Variants in ATXN10 observed in about 807,000 individuals in gnomAD.
ATXN10 encodes ataxin-10.
A neutral mutation model predicts 52.9 loss-of-function variants in ATXN10; 28 were observed. The ratio of observed to expected loss-of-function variants is 0.53; its 90% CI spans 0.39 to 0.73. The LOEUF (loss-of-function observed/expected upper bound fraction) is 0.73, where lower values mean the gene tolerates loss of function less well. ATXN10 is among the 30% of genes least tolerant of loss of function. ATXN10 has a pLI of 0.00. For missense variants in ATXN10, 565 were observed against 577.0 expected, an observed-to-expected ratio of 0.98 and a Z score of 0.21; for synonymous variants, 226 against 221.5, an observed-to-expected ratio of 1.02 and a Z score of -0.18.
At chr22:45,689,673 C>CT (rs775320993) in intron 1 of ATXN10, 39 bp from the exon 2 acceptor site, 25 of 1,576,658 alleles carry the variant, frequency 1.6e-5, no homozygotes, top group African/African-American at 5.4e-5. Context: ...AAATCATAAT[C>CT]TTTTTTTTCT....
Position 45,818,946 on chromosome 22 carries a change from T to A in ATXN10, c.1237+11924T>A, listed in dbSNP as rs1322035301. On this transcript the variant is annotated intron_variant, in intron 10 of 11. Coordinates refer to ENST00000252934, the MANE Select transcript of ATXN10 (RefSeq NM_013236.4). This position sits in a 1 kb window ranked among gnomAD's most constrained non-coding sequence, Gnocchi z 4.6. ...TTGGTGCACTGTGTCTCTGGCTTCTTTGCATGCCTAAAACTTGCGTAGTCT... is the reference window on the plus strand; with the variant it reads ...TTGGTGCACTGTGTCTCTGGCTTCTATGCATGCCTAAAACTTGCGTAGTCT... 6.6e-6 allele frequency among the ~76,000 whole-genome samples: 1 copy of A among 152,082 alleles called. No individual in the cohort carries two copies. Among genetic ancestry groups the A allele is most frequent in the Non-Finnish European group, 1.5e-5 (1 of 68,010 alleles).
chr22:45,691,347 G>A (rs983340447), intron 2 of ATXN10, among the ~76,000 whole-genome samples: 1 of 152,230 alleles, frequency 6.6e-6, no homozygotes, highest in Non-Finnish European at 1.5e-5. Flanking sequence ...GTGAGCATTC[G>A]TTGAGCCTGC....
intron 9 of ATXN10, among the ~76,000 whole-genome samples, chr22:45,803,515 C>T (rs769531906): frequency 2.6e-5 from 4 of 152,114 alleles, no homozygotes; most frequent in Non-Finnish European, 5.9e-5. Flanking sequence ...CTCAATCTGG[C>T]GTGGAGATGC....
chr22:45,737,380 C>T (rs1925337401), intron 7 of ATXN10, among the ~76,000 whole-genome samples: 1 of 152,198 alleles, frequency 6.6e-6, no homozygotes, highest in Non-Finnish European at 1.5e-5. Context: ...TGGGCAGCTA[C>T]ACCTTTAACA....
Position 45,729,546 on chromosome 22 carries a change from A to G in ATXN10, c.850A>G (p.Lys284Glu), listed in dbSNP as rs375099471. 4 of 1,614,044 alleles carry G rather than the reference A, an allele frequency of 2.5e-6. No homozygotes were observed. Among genetic ancestry groups the G allele is most frequent in the African/African-American group, 1.3e-5 (1 of 74,908 alleles). The change falls in exon 7 of 12, where the codon AAG becomes GAG. Residue 284 changes from lysine to glutamate, a missense_variant. Coordinates refer to ENST00000252934, the MANE Select transcript of ATXN10 (RefSeq NM_013236.4). Reference protein sequence around the residue: ...LIASTFVDQCKTVLKLASEEP... With the variant: ...LIASTFVDQCETVLKLASEEP... ...TGCAAGCACCTTTGTGGATCAGTGC[A>G]AGACTGTGCTCAAGCTGGCCTCTGA...
At position 45,775,028 on chromosome 22, in the gene ATXN10, T is replaced by C. The variant is rs1241412851; in HGVS notation, c.1174-31931T>C. 6.6e-6 allele frequency among the ~76,000 whole-genome samples: 1 copy of C among 152,228 alleles called. No homozygotes were observed. Among genetic ancestry groups the C allele is most frequent in the Non-Finnish European group, 1.5e-5 (1 of 68,044 alleles). Reference sequence around the variant, plus strand: ...GTTTTGCCTTTTCCCCATCCCTTTTTCTGGTAGTTTGTAAAACTTTAGTGT... The same window carrying C: ...GTTTTGCCTTTTCCCCATCCCTTTTCCTGGTAGTTTGTAAAACTTTAGTGT... On this transcript the variant is annotated intron_variant, in intron 9 of 11. Transcript: ENST00000252934. This position sits in a 1 kb window ranked among gnomAD's most constrained non-coding sequence, Gnocchi z 4.7.
chr22:45,817,798 C>T (rs983148727), intron 10 of ATXN10, among the ~76,000 whole-genome samples: 3 of 152,098 alleles, frequency 2.0e-5, no homozygotes, highest in African/African-American at 4.8e-5. Flanking sequence ...TTGCCGGGTG[C>T]AGGACTGTGA....
In ATXN10 at chr22:45,715,041, T is replaced by G. The variant is rs1924394042; in HGVS notation, c.648-3372T>G. On this transcript the variant is annotated intron_variant, in intron 5 of 11. Transcript: ENST00000252934. This position sits in a 1 kb window ranked among gnomAD's most constrained non-coding sequence, Gnocchi z 4.4. ...CAACTTTTTTACTTCAACTTTTGCT[T>G]CCTAACCACGCATTCCAGCATGCAG... 6.6e-6 allele frequency among the ~76,000 whole-genome samples: 1 copy of G among 152,190 alleles called. No individual in the cohort carries two copies. The highest frequency in any genetic ancestry group is 1.5e-5 in the Non-Finnish European group (1 of 68,038).
chr22:45,798,446 A>G (rs1036149250), intron 9 of ATXN10, among the ~76,000 whole-genome samples: 1 of 152,252 alleles, frequency 6.6e-6, no homozygotes, highest in Non-Finnish European at 1.5e-5. Context: ...TTATCTCAAT[A>G]GAGGAAAAGC....
chr22:45,832,038 A>G (rs112372782), intron 10 of ATXN10, among the ~76,000 whole-genome samples: 14 of 152,216 alleles, frequency 9.2e-5, no homozygotes, highest in African/African-American at 3.4e-4. Context: ...TGCGGCTTGT[A>G]AAGTGGCAGA....
chr22:45,723,682 A>G (rs1306917776), intron 6 of ATXN10, among the ~76,000 whole-genome samples: 1 of 152,118 alleles, frequency 6.6e-6, no homozygotes, highest in Non-Finnish European at 1.5e-5. Context: ...CCAACTGGGC[A>G]TGGTGGCTCA....
chr22:45,703,419 G>A (rs761387085), intron 5 of ATXN10, among the ~76,000 whole-genome samples: 3 of 152,146 alleles, frequency 2.0e-5, no homozygotes, highest in Admixed American at 2.0e-4. Context: ...TGAATCAGTA[G>A]ATTTATGTCT....
intron 7 of ATXN10, among the ~76,000 whole-genome samples, chr22:45,735,812 C>CTTT (rs746222703): frequency 1.6e-3 from 103 of 65,752 alleles, no homozygotes; most frequent in Non-Finnish European, 1.9e-3. Flanking sequence ...ATTTGCTTGT[C>CTTT]TTTTTTTTTT....
intron 10 of ATXN10, among the ~76,000 whole-genome samples, chr22:45,812,738 G>T (rs2146890832): frequency 6.6e-6 from 1 of 152,298 alleles, no homozygotes; most frequent in South Asian, 2.1e-4. Context: ...ACTCTTCTCT[G>T]AGCACTCTGG....
rs1923294830 is a variant in ATXN10 at position 45,689,717 on chromosome 22, C to A, written c.122C>A (p.Thr41Lys). 6.2e-7 allele frequency: 1 copy of A among 1,613,666 alleles called. No homozygotes were observed. ...ATAATTTTATCCTTTTTCAGAGAAA[C>A]AGCACCCAGGACTATCTTCCAAAGA... ...ALFKEQRNRETAPRTIFQRVL... is the reference protein window; with the variant it reads ...ALFKEQRNREKAPRTIFQRVL... The change falls in exon 2 of 12, where the codon ACA becomes AAA. Residue 41 changes from threonine (T) to lysine (K), a missense_variant. Physicochemically the swap from Thr to Lys is moderately conservative, Grantham distance 78. Coordinates refer to ENST00000252934, the MANE Select transcript of ATXN10 (RefSeq NM_013236.4).
At position 45,770,924 on chromosome 22, in the gene ATXN10, C is replaced by T. The variant is rs1432365438; in HGVS notation, c.1173+30386C>T. ...GAGAGAGAGGACAGAGCCACAGAGC[C>T]TTCTCAGAGAGAAGAACCCAGATCC... On this transcript the variant is annotated intron_variant, in intron 9 of 11. Coordinates refer to ENST00000252934, the MANE Select transcript of ATXN10 (RefSeq NM_013236.4). The surrounding 1 kb of genome is among the most constrained non-coding windows in gnomAD (Gnocchi z 4.5). Among the ~76,000 whole-genome samples the T allele has an allele frequency of 2.0e-5, 3 of 152,220 alleles. No individual in the cohort carries two copies. Among genetic ancestry groups the T allele is most frequent in the Non-Finnish European group, 2.9e-5 (2 of 68,036 alleles).
At chr22:45,710,832 C>T (rs1016532934) in intron 5 of ATXN10, among the ~76,000 whole-genome samples, 2 of 152,108 alleles carry the variant, frequency 1.3e-5, no homozygotes, top group African/African-American at 4.8e-5. Context: ...CCAACCCCAT[C>T]CATTGAAGGG....
At chr22:45,801,443 A>G (rs1032094757) in intron 9 of ATXN10, among the ~76,000 whole-genome samples, 9 of 152,230 alleles carry the variant, frequency 5.9e-5, no homozygotes, top group Non-Finnish European at 1.0e-4. Context: ...GGACAAAAGC[A>G]GCAGCTCAGG....
At position 45,825,524 on chromosome 22, in the gene ATXN10, TAATA is replaced by T. The variant is rs1331982216; in HGVS notation, c.1238-17465_1238-17462del. ...ACAGCCTGCAACAATCCAGAAATAA[TAATA>T]ATAATGAACAGTAACAAAAGTAGCA... On this transcript the variant is annotated intron_variant, in intron 10 of 11. Transcript: ENST00000252934. The surrounding 1 kb of genome is among the most constrained non-coding windows in gnomAD (Gnocchi z 4.5). Among the ~76,000 whole-genome samples the T allele has an allele frequency of 1.3e-5, 2 of 152,040 alleles. No individual in the cohort carries two copies. Among genetic ancestry groups the T allele is most frequent in the Admixed American group, 6.5e-5 (1 of 15,268 alleles).
Sources: gnomAD v4.1 joint callset for allele counts (sites outside exome capture counted in the v4.1 genomes callset) on GRCh38, gnomAD v4.1.1 for gene constraint, Gnocchi (gnomAD v3.1) non-coding constraint, MANE v1.5 for transcripts, NCBI Gene and HGNC (gene_info 2026-07-23, HGNC 2026-07-21) for gene names.